RYK: variants seen among roughly 807,000 people sequenced by gnomAD.
The protein encoded by RYK is inactive tyrosine-protein kinase RYK.
A neutral mutation model predicts 70.2 loss-of-function variants in RYK; 21 were observed. The observed-to-expected ratio is 0.30, with a 90% CI of 0.21 to 0.43. The LOEUF (loss-of-function observed/expected upper bound fraction) is 0.43, where lower values mean the gene tolerates loss of function less well. Ranked by LOEUF, RYK falls within the 20% of genes least tolerant of loss-of-function variation. The probability of loss-of-function intolerance (pLI) is 1.00; values close to 1 mark genes in which losing one functional copy is unlikely to be tolerated. For synonymous variants in RYK, 267 were observed against 278.0 expected, an observed-to-expected ratio of 0.96 and a Z score of 0.39; for missense variants, 604 against 753.3, an observed-to-expected ratio of 0.80 and a Z score of 2.32.
intron 13 of RYK, 138 bp from the exon 14 acceptor site, chr3:134,159,511 G>T: frequency 1.3e-6 from 1 of 741,448 alleles, no homozygotes; most frequent in Non-Finnish European, 2.1e-6. Context: ...ACAAAAAAAT[G>T]TCTATCATAC....
At chr3:134,192,108 T>C (rs1357389251) in intron 7 of RYK, 134 bp from the exon 8 acceptor site, 1 of 802,656 alleles carries the variant, frequency 1.2e-6, no homozygotes, top group Non-Finnish European at 1.9e-6. Flanking sequence ...AACAGGCATA[T>C]ATATGAACTA....
intron 1 of RYK, among the ~76,000 whole-genome samples, chr3:134,242,154 A>C (rs2015340332): frequency 6.6e-6 from 1 of 152,104 alleles, no homozygotes; most frequent in South Asian, 2.1e-4. Flanking sequence ...AAAATACAAA[A>C]ATTAGCTGGG....
chr3:134,216,430 T>C (rs146984230), intron 2 of RYK, among the ~76,000 whole-genome samples: 302 of 152,020 alleles, frequency 2.0e-3, no homozygotes, highest in Middle Eastern at 0.017. Flanking sequence ...AGAACAGCCA[T>C]GGGGTAAGGG....
intron 13 of RYK, among the ~76,000 whole-genome samples, chr3:134,168,829 A>G (rs568990576): frequency 2.6e-5 from 4 of 152,152 alleles, no homozygotes; most frequent in Admixed American, 6.5e-5. Context: ...TTTCTCTTTG[A>G]TACCACAGTA....
intron 13 of RYK, among the ~76,000 whole-genome samples, chr3:134,175,092 T>C (rs1167252881): frequency 6.6e-6 from 1 of 152,048 alleles, no homozygotes; most frequent in Non-Finnish European, 1.5e-5. Context: ...TCCCAGGACT[T>C]TGGGAGGCGG....
intron 3 of RYK, among the ~76,000 whole-genome samples, chr3:134,210,682 C>A (rs186090398): frequency 1.3e-5 from 2 of 152,262 alleles, no homozygotes; most frequent in East Asian, 3.9e-4. Flanking sequence ...GAAGTTAGCT[C>A]AAAAGCAGTT....
intron 13 of RYK, among the ~76,000 whole-genome samples, chr3:134,163,320 C>T (rs1215487310): frequency 6.6e-6 from 1 of 152,172 alleles, no homozygotes; most frequent in Non-Finnish European, 1.5e-5. Context: ...CTTCCGATAA[C>T]TGAACCATTT....
chr3:134,213,941 G>C (rs2014477059), intron 2 of RYK, among the ~76,000 whole-genome samples: 2 of 151,956 alleles, frequency 1.3e-5, no homozygotes, highest in African/African-American at 2.4e-5. Context: ...GTAGCTGGTG[G>C]GACTACAGGC....
At chr3:134,215,933 G>A (rs1330863894) in intron 2 of RYK, among the ~76,000 whole-genome samples, 1 of 151,936 alleles carries the variant, frequency 6.6e-6, no homozygotes, top group African/African-American at 2.4e-5. Flanking sequence ...GCTACTCGGA[G>A]GCTAAGGCAG....
At chr3:134,221,854 G>C (rs1042234087) in intron 2 of RYK, among the ~76,000 whole-genome samples, 1 of 152,152 alleles carries the variant, frequency 6.6e-6, no homozygotes. Context: ...ATGTTTGAGG[G>C]ACCCAGGCAG....
At chr3:134,217,646 G>T (rs1222321907) in intron 2 of RYK, among the ~76,000 whole-genome samples, 3 of 152,190 alleles carry the variant, frequency 2.0e-5, no homozygotes, top group African/African-American at 7.2e-5. Context: ...GCTGTTGAAA[G>T]ATGTATATAT....
At chr3:134,196,534 G>C (rs931604265) in intron 6 of RYK, among the ~76,000 whole-genome samples, 2 of 151,470 alleles carry the variant, frequency 1.3e-5, no homozygotes, top group South Asian at 2.1e-4. Context: ...TAGTCCAGGA[G>C]TTTGACGCCA....
intron 11 of RYK, among the ~76,000 whole-genome samples, chr3:134,177,465 A>G (rs2013145070): frequency 6.6e-6 from 1 of 152,224 alleles, no homozygotes; most frequent in Admixed American, 6.5e-5. Flanking sequence ...TATAAACACA[A>G]GCAGGGAAGA....
Position 134,164,908 on chromosome 3 carries a change from A to T in RYK, c.1576-5535T>A, listed in dbSNP as rs79010676. Among the ~76,000 whole-genome samples, 931 of 152,320 alleles carry T rather than the reference A, an allele frequency of 6.1e-3. 10 individuals carry two copies. The highest frequency in any genetic ancestry group is 0.021 in the African/African-American group (892 of 41,570). The stretch of plus-strand genomic sequence containing the variant: ...CCTTGTCAATATTTGGTATGGTCAG[A>T]CTTTTCAATTTTAGCCAAACCAACA... On this transcript the variant is annotated intron_variant, in intron 13 of 14. Transcript: ENST00000623711.
At chr3:134,242,114 G>A (rs1312941445) in intron 1 of RYK, among the ~76,000 whole-genome samples, 1 of 152,116 alleles carries the variant, frequency 6.6e-6, no homozygotes, top group Admixed American at 6.5e-5. Context: ...AGATTGGACT[G>A]GCCAACATGC....
At chr3:134,249,238 C>G (rs1365230563) in intron 1 of RYK, among the ~76,000 whole-genome samples, 2 of 152,082 alleles carry the variant, frequency 1.3e-5, no homozygotes, top group Non-Finnish European at 2.9e-5. Context: ...AGAATGAGCA[C>G]GACTTCATAA....
rs542510067 is a variant in RYK, at chr3:134,221,816, G to A, written c.354+602C>T. On this transcript the variant is annotated intron_variant, in intron 2 of 14. Coordinates refer to ENST00000623711, the MANE Select transcript of RYK (RefSeq NM_002958.4). Reference sequence around the variant, plus strand: ...GGAGGCACCTCCATGCTCAGCCTCCGACTCTTTGACTTAGGAGAAAACTTA... The same window carrying A: ...GGAGGCACCTCCATGCTCAGCCTCCAACTCTTTGACTTAGGAGAAAACTTA... 2.6e-5 allele frequency among the ~76,000 whole-genome samples: 4 copies of A among 152,246 alleles called. No individual in the cohort carries two copies. In the East Asian group the frequency reaches 5.8e-4, roughly 22 times the overall value.
intron 1 of RYK, among the ~76,000 whole-genome samples, chr3:134,239,275 C>T (rs2107694750): frequency 6.6e-6 from 1 of 152,116 alleles, no homozygotes; most frequent in East Asian, 1.9e-4. Context: ...TCCTGGGCAG[C>T]ACAGGGAGAC....
At chr3:134,176,200 A>G (rs2013094009) in intron 11 of RYK, among the ~76,000 whole-genome samples, 161 bp from the exon 12 acceptor site, 1 of 152,222 alleles carries the variant, frequency 6.6e-6, no homozygotes, top group Admixed American at 6.5e-5. Context: ...ATGTTCCCAT[A>G]TATCCCTATA....
Sources: gnomAD v4.1 joint callset for allele counts (sites outside exome capture counted in the v4.1 genomes callset) on GRCh38, gnomAD v4.1.1 for gene constraint, MANE v1.5 for transcripts, NCBI Gene and HGNC (gene_info 2026-07-23, HGNC 2026-07-21) for gene names.